ZFAND3: variants seen among roughly 807,000 people sequenced by gnomAD.
The protein encoded by ZFAND3 is AN1-type zinc finger protein 3.
Under a neutral mutation model 29.6 loss-of-function variants are expected in ZFAND3, and 10 were observed. The observed-to-expected ratio is 0.34, with a 90% confidence interval of 0.21 to 0.57. ZFAND3 has a LOEUF of 0.57. ZFAND3 is among the 20% of genes least tolerant of loss of function. The probability of loss-of-function intolerance (pLI) is 0.86; values close to 1 mark genes in which losing one functional copy is unlikely to be tolerated. For missense variants in ZFAND3, 230 were observed against 304.5 expected (o/e 0.76, Z 1.82); for synonymous variants, 128 against 112.6 (o/e 1.14, Z -0.87).
intron 2 of ZFAND3, among the ~76,000 whole-genome samples, chr6:37,955,938 A>C (rs1762079253): frequency 6.6e-6 from 1 of 152,184 alleles, no homozygotes; most frequent in African/African-American, 2.4e-5. Flanking sequence ...GAACAGAATA[A>C]GAAAATTGGT....
chr6:37,910,836 T>C, intron 1 of ZFAND3, among the ~76,000 whole-genome samples: 1 of 152,214 alleles, frequency 6.6e-6, no homozygotes, highest in East Asian at 1.9e-4. Flanking sequence ...CTTAACATGA[T>C]GTCCTCCAGG....
At chr6:37,997,437 T>C (rs1485340129) in intron 2 of ZFAND3, among the ~76,000 whole-genome samples, 1 of 152,160 alleles carries the variant, frequency 6.6e-6, no homozygotes, top group Non-Finnish European at 1.5e-5. Flanking sequence ...TTATGATGGA[T>C]TTGTCATTCG....
intron 4 of ZFAND3, among the ~76,000 whole-genome samples, chr6:38,112,227 G>A (rs1453441949): frequency 6.6e-6 from 1 of 152,216 alleles, no homozygotes; most frequent in Non-Finnish European, 1.5e-5. Context: ...TGGAATGGGG[G>A]AGCGGCAGCT....
At chr6:38,045,117 CACTCTGTCGCCCAG>C (rs1199545929) in intron 2 of ZFAND3, among the ~76,000 whole-genome samples, 4 of 142,784 alleles carry the variant, frequency 2.8e-5, no homozygotes, top group Non-Finnish European at 4.6e-5. Context: ...GATGGAATCT[CACTCTGTCGCCCAG>C]ACTGGAGTGT....
intron 2 of ZFAND3, among the ~76,000 whole-genome samples, chr6:38,019,261 T>C (rs1048830248): frequency 6.6e-6 from 1 of 152,180 alleles, no homozygotes. Flanking sequence ...CCCGGCCTGA[T>C]AGATTTGTTA....
chr6:38,113,788 C>G (rs1765364138), intron 4 of ZFAND3, among the ~76,000 whole-genome samples: 1 of 152,128 alleles, frequency 6.6e-6, no homozygotes, highest in Admixed American at 6.5e-5. Flanking sequence ...TTCTTTTTGT[C>G]TTTATTTTTT....
At chr6:38,121,116 G>A (rs561940334) in intron 5 of ZFAND3, among the ~76,000 whole-genome samples, 1 of 152,328 alleles carries the variant, frequency 6.6e-6, no homozygotes, top group East Asian at 1.9e-4. Context: ...CACTTTAGGA[G>A]GCCAAGGTGG....
intron 2 of ZFAND3, among the ~76,000 whole-genome samples, chr6:37,994,962 T>G (rs906670374): frequency 6.6e-6 from 1 of 152,176 alleles, no homozygotes; most frequent in African/African-American, 2.4e-5. Context: ...AAGAGTGTTA[T>G]GTTTGGCTGA....
intron 2 of ZFAND3, among the ~76,000 whole-genome samples, chr6:37,962,387 G>T (rs1368437057): frequency 6.6e-6 from 1 of 152,294 alleles, no homozygotes; most frequent in East Asian, 1.9e-4. Context: ...GAGTTACTGG[G>T]CTTAAAGGGG....
intron 1 of ZFAND3, among the ~76,000 whole-genome samples, chr6:37,894,386 C>T (rs1765158356): frequency 8.1e-6 from 1 of 123,258 alleles, no homozygotes; most frequent in African/African-American, 3.1e-5. Flanking sequence ...CTTTCCTTTC[C>T]CTTTTTTTTT....
In ZFAND3 at chr6:37,957,151, C is replaced by T. The variant is rs551012094; in HGVS notation, c.112+27152C>T. ...GAAACGATTCAGTCTTTTAGTCTTT[C>T]TGTCCATGTGTTAAGCAAGTTCCCC... On this transcript the variant is annotated intron_variant, in intron 2 of 5. Coordinates refer to ENST00000287218, the MANE Select transcript of ZFAND3 (RefSeq NM_021943.3). Among the ~76,000 whole-genome samples the T allele has an allele frequency of 4.6e-5, 7 of 152,284 alleles. No homozygotes were observed. The East Asian group carries it at 9.6e-4, about 21-fold the overall frequency.
At chr6:37,862,645 A>G (rs1441649188) in intron 1 of ZFAND3, among the ~76,000 whole-genome samples, 1 of 151,986 alleles carries the variant, frequency 6.6e-6, no homozygotes, top group Non-Finnish European at 1.5e-5. Context: ...TCAAGGCTGC[A>G]ATGAGCTGTG....
intron 2 of ZFAND3, among the ~76,000 whole-genome samples, chr6:37,982,013 G>A (rs1050322541): frequency 6.6e-6 from 1 of 152,080 alleles, no homozygotes; most frequent in South Asian, 2.1e-4. Flanking sequence ...TCTGATTAAG[G>A]TTTCACAGAA....
chr6:37,886,237 C>CAAAAAAAAA (rs55661554), intron 1 of ZFAND3, among the ~76,000 whole-genome samples: 2 of 95,302 alleles, frequency 2.1e-5, no homozygotes, highest in East Asian at 2.9e-4. Flanking sequence ...GACTCTGTCT[C>CAAAAAAAAA]AAAAAAAAAA....
At chr6:37,850,383 T>C (rs570776165) in intron 1 of ZFAND3, among the ~76,000 whole-genome samples, 23 of 152,288 alleles carry the variant, frequency 1.5e-4, no homozygotes, top group African/African-American at 5.5e-4. Flanking sequence ...GAAATGACTC[T>C]AGGCACTGGG....
intron 1 of ZFAND3, among the ~76,000 whole-genome samples, chr6:37,909,347 T>G (rs1302889985): frequency 1.3e-5 from 2 of 151,426 alleles, no homozygotes; most frequent in African/African-American, 4.8e-5. Context: ...TGGTACGATC[T>G]TAGCTCACTG....
intron 1 of ZFAND3, among the ~76,000 whole-genome samples, chr6:37,826,102 AAAAG>A (rs1763755306): frequency 6.6e-6 from 1 of 152,214 alleles, no homozygotes; most frequent in Non-Finnish European, 1.5e-5. Flanking sequence ...TTGCAAAAAA[AAAAG>A]AAATTCTTTT....
At chr6:37,843,594 GA>G (rs1299407802) in intron 1 of ZFAND3, among the ~76,000 whole-genome samples, 1 of 152,140 alleles carries the variant, frequency 6.6e-6, no homozygotes, top group Non-Finnish European at 1.5e-5. Context: ...GCTAATAGGA[GA>G]ATTTTGTTTT....
chr6:37,824,672 G>T (rs183028126), intron 1 of ZFAND3, among the ~76,000 whole-genome samples: 16 of 152,142 alleles, frequency 1.1e-4, no homozygotes, highest in African/African-American at 3.9e-4. Context: ...AGTTAAATAT[G>T]GGGCTTATTA....
Sources: gnomAD v4.1 joint callset for allele counts (sites outside exome capture counted in the v4.1 genomes callset) on GRCh38, gnomAD v4.1.1 for gene constraint, MANE v1.5 for transcripts, NCBI Gene and HGNC (gene_info 2026-07-23, HGNC 2026-07-21) for gene names.